The following LRRIQ1 variants were observed in gnomAD, a reference collection of about 807,000 sequenced individuals.
The protein encoded by LRRIQ1 is leucine rich repeats and IQ motif containing 1.
Under a neutral mutation model 211.9 loss-of-function variants are expected in LRRIQ1, and 210 were observed. The observed-to-expected ratio is 0.99, with a 90% CI of 0.89 to 1.11. LRRIQ1 has a LOEUF of 1.11. Ranked by LOEUF, LRRIQ1 falls within the 50% of genes most tolerant of loss-of-function variation. LRRIQ1 has a pLI of 0.00. For synonymous variants in LRRIQ1, 699 were observed against 650.1 expected (o/e 1.08, Z -1.14); for missense variants, 2,136 against 1,939.5 (o/e 1.10, Z -1.90).
chr12:85,160,150 C>G (rs1890785101), intron 23 of LRRIQ1, among the ~76,000 whole-genome samples: 1 of 151,952 alleles, frequency 6.6e-6, no homozygotes, highest in South Asian at 2.1e-4. Context: ...GTATAGTCTG[C>G]ATTCACAATC....
At chr12:85,176,136 G>C (rs1308798422) in intron 24 of LRRIQ1, among the ~76,000 whole-genome samples, 1 of 152,106 alleles carries the variant, frequency 6.6e-6, no homozygotes, top group South Asian at 2.1e-4. Flanking sequence ...TCCTACCCAT[G>C]AGCATGGAAT....
intron 18 of LRRIQ1, among the ~76,000 whole-genome samples, chr12:85,131,762 G>A (rs1888782406): frequency 6.6e-6 from 1 of 151,948 alleles, no homozygotes; most frequent in Non-Finnish European, 1.5e-5. Context: ...GATAGTTGGA[G>A]AACAAAAAGA....
chr12:85,046,184 G>T, intron 5 of LRRIQ1, 47 bp downstream of exon 5: 3 of 1,135,064 alleles, frequency 2.6e-6, no homozygotes, highest in South Asian at 1.5e-5. Flanking sequence ...TTATATGATT[G>T]ATCATAGTTA....
intron 24 of LRRIQ1, among the ~76,000 whole-genome samples, chr12:85,172,712 A>C (rs1229376513): frequency 6.6e-6 from 1 of 152,160 alleles, no homozygotes; most frequent in Admixed American, 6.5e-5. Context: ...GAGAAAGCAA[A>C]AGCTTAAACC....
intron 15 of LRRIQ1, among the ~76,000 whole-genome samples, chr12:85,108,960 A>G (rs1886973839): frequency 6.6e-6 from 1 of 151,808 alleles, no homozygotes; most frequent in African/African-American, 2.4e-5. Flanking sequence ...AAATACATTT[A>G]TGAACAAAAC....
chr12:85,130,470 G>T (rs76098322), intron 18 of LRRIQ1, among the ~76,000 whole-genome samples: 3,131 of 152,244 alleles, frequency 0.021, 142 homozygotes, highest in East Asian at 0.2. Flanking sequence ...CTAAAGAGAA[G>T]GTTCATTACC....
chr12:85,237,149 T>C (rs1895226366), intron 26 of LRRIQ1, among the ~76,000 whole-genome samples: 2 of 152,054 alleles, frequency 1.3e-5, no homozygotes, highest in African/African-American at 4.8e-5. Flanking sequence ...TGATGTAGTA[T>C]AGACCAGTCC....
chr12:85,108,531 G>A (rs750739384), intron 15 of LRRIQ1, among the ~76,000 whole-genome samples: 41 of 151,980 alleles, frequency 2.7e-4, no homozygotes, highest in African/African-American at 9.9e-4. Flanking sequence ...AATTTAGATG[G>A]CTTTTTCTTA....
intron 24 of LRRIQ1, among the ~76,000 whole-genome samples, chr12:85,213,721 T>G (rs1446516468): frequency 6.6e-6 from 1 of 151,866 alleles, no homozygotes; most frequent in African/African-American, 2.4e-5. Flanking sequence ...TAAAGAACAC[T>G]TAAAAACTTA....
chr12:85,236,829 G>GTATATATATATATATA (rs1565921248), intron 26 of LRRIQ1, among the ~76,000 whole-genome samples: 30 of 60,468 alleles, frequency 5.0e-4, no homozygotes, highest in African/African-American at 3.8e-3. Context: ...GTGTATGTGT[G>GTATATATATATATATA]CATATATATA....
chr12:85,129,011 C>G (rs1177976929), intron 18 of LRRIQ1, among the ~76,000 whole-genome samples: 1 of 152,088 alleles, frequency 6.6e-6, no homozygotes, highest in Non-Finnish European at 1.5e-5. Flanking sequence ...CTCATTTGCT[C>G]ACAGCTGTAA....
At chr12:85,228,717 C>T (rs955966811) in intron 24 of LRRIQ1, among the ~76,000 whole-genome samples, 1 of 152,118 alleles carries the variant, frequency 6.6e-6, no homozygotes, top group African/African-American at 2.4e-5. Flanking sequence ...ACAGAGTATT[C>T]AAAATAGGTT....
chr12:85,072,168 A>G (rs1333421786), intron 10 of LRRIQ1, among the ~76,000 whole-genome samples: 1 of 151,896 alleles, frequency 6.6e-6, no homozygotes, highest in African/African-American at 2.4e-5. Flanking sequence ...TATTTTCATC[A>G]TTTTCATAAT....
At position 85,250,953 on chromosome 12, in the gene LRRIQ1, T is replaced by TTATATATTATATATAATATATATTATAG. The variant is rs1565929005; in HGVS notation, c.121+6044_121+6045insTATATATTATATATAATATATATTATAG. ...TATATTATATATAATATATTTTATA[T>TTATATATTATATATAATATATATTATAG]ATTATATATTATATTATATATATTA... On this transcript the variant is annotated intron_variant, in intron 1 of 1. Coordinates refer to the LRRIQ1 transcript ENST00000602731. 6.1e-4 allele frequency among the ~76,000 whole-genome samples: 56 copies of TTATATATTATATATAATATATATTATAG among 92,256 alleles called. 1 individual carries two copies. The highest frequency in any genetic ancestry group is 2.2e-3 in the African/African-American group (51 of 23,054). 60.5% of individuals were successfully genotyped at this position (92,256 alleles called of 152,430 possible). A position where few individuals can be genotyped will look rare whatever the true frequency, so the allele number is the denominator to read the frequency against.
chr12:85,198,011 T>C (rs1356618161), intron 24 of LRRIQ1, among the ~76,000 whole-genome samples: 4 of 56,598 alleles, frequency 7.1e-5, no homozygotes, highest in Non-Finnish European at 1.4e-4. Flanking sequence ...ACATATATAA[T>C]ATATTATATT....
At chr12:85,123,149 A>T (rs190955637) in intron 16 of LRRIQ1, among the ~76,000 whole-genome samples, 50 of 152,184 alleles carry the variant, frequency 3.3e-4, no homozygotes, top group Non-Finnish European at 4.0e-4. Context: ...AATATAAAAC[A>T]TATATTGGAT....
Position 85,217,494 on chromosome 12 carries a change from ATATATATATATATATGTGTGTG to A in LRRIQ1, c.4823-12021_4823-12000del, listed in dbSNP as rs1330315964. 7.5e-4 allele frequency among the ~76,000 whole-genome samples: 54 copies of A among 72,246 alleles called. 2 individuals are homozygous for A. The highest frequency in any genetic ancestry group is 4.5e-3 in the African/African-American group (45 of 10,096). 47.4% of individuals were successfully genotyped at this position (72,246 alleles called of 152,430 possible). ...TATATATATATATATATATATATGT[ATATATATATATATATGTGTGTG>A]TGTGTGTGTGTGTGTGTGTGTGTGT... On this transcript the variant is annotated intron_variant, in intron 24 of 26. Transcript: ENST00000393217.
intron 24 of LRRIQ1, among the ~76,000 whole-genome samples, chr12:85,222,596 G>A (rs1417869120): frequency 6.6e-6 from 1 of 152,152 alleles, no homozygotes; most frequent in Non-Finnish European, 1.5e-5. Context: ...TAACGCAGAT[G>A]GCAAGTAAGT....
At chr12:85,151,987 A>G (rs1012525920) in intron 19 of LRRIQ1, among the ~76,000 whole-genome samples, 1 of 151,728 alleles carries the variant, frequency 6.6e-6, no homozygotes, top group African/African-American at 2.4e-5. Context: ...TTTGGCTCAG[A>G]GTCATAGTTA....
Sources: allele counts gnomAD v4.1 joint callset (sites outside exome capture counted in the v4.1 genomes callset), GRCh38; gene constraint gnomAD v4.1.1; transcripts MANE v1.5; gene names NCBI Gene and HGNC (gene_info 2026-07-23, HGNC 2026-07-21).